The following ITGB7 variants were observed in gnomAD, a reference collection of about 807,000 sequenced individuals.
The protein encoded by ITGB7 is integrin subunit beta 7, also known as integrin beta-7.
A neutral mutation model predicts 83.4 loss-of-function variants in ITGB7; 55 were observed. That is an observed-to-expected ratio of 0.66 (90% CI 0.53 to 0.83). The LOEUF (loss-of-function observed/expected upper bound fraction) is 0.83. ITGB7 is among the 40% of genes least tolerant of loss of function. ITGB7 has a pLI of 0.00. For missense variants in ITGB7, 921 were observed against 1,046.7 expected (o/e 0.88, Z 1.66); for synonymous variants, 454 against 423.6 (o/e 1.07, Z -0.88).
At position 53,191,491 on chromosome 12, in the gene ITGB7, C is replaced by T; in HGVS notation, c.*65G>A. The T allele has an allele frequency of 7.6e-7, 1 of 1,314,014 alleles. No individual in the cohort carries two copies. The highest frequency in any genetic ancestry group is 1.1e-6 in the Non-Finnish European group (1 of 906,698). The allele number at this position is 1,314,014 out of a possible 1,614,324, so 81.4% of individuals were successfully genotyped here. On this transcript the variant is annotated 3_prime_UTR_variant, in exon 16 of 16. Transcript: ENST00000267082. ...CCAAGGTCTTACAGACCCACCCTTC[C>T]TCTCACCCTCCAGTTCCCACTGTCC...
chr12:53,193,947 CACAT>C, intron 10 of ITGB7, 46 bp from the exon 11 acceptor site: 1 of 1,536,674 alleles, frequency 6.5e-7, no homozygotes. Flanking sequence ...CATGCACACA[CACAT>C]ACCCCAAACT....
At chr12:53,197,700 T>C (rs554607113) in intron 4 of ITGB7, 37 bp from the exon 5 acceptor site, 3 of 1,605,184 alleles carry the variant, frequency 1.9e-6, no homozygotes, top group South Asian at 1.1e-5. Context: ...GCAGAGCGCA[T>C]TGGAACGCCA....
At chr12:53,191,751 G>C (rs2120383058) in intron 15 of ITGB7, 108 bp downstream of exon 15, 6 of 1,529,504 alleles carry the variant, frequency 3.9e-6, no homozygotes, top group Non-Finnish European at 5.4e-6. Flanking sequence ...GTTAGCAGAG[G>C]GGTTGGTTAC....
At chr12:53,206,474 TTG>T (rs1352950490) in intron 1 of ITGB7, among the ~76,000 whole-genome samples, 8 of 152,128 alleles carry the variant, frequency 5.3e-5, no homozygotes, top group Non-Finnish European at 1.2e-4. Flanking sequence ...CCATCAAAAG[TTG>T]TGTTCTCTCC....
At chr12:53,205,422 C>T (rs1428534609) in intron 1 of ITGB7, among the ~76,000 whole-genome samples, 4 of 152,130 alleles carry the variant, frequency 2.6e-5, no homozygotes, top group East Asian at 3.9e-4. Context: ...CTCCTGAGCT[C>T]AAGCGACCCA....
intron 8 of ITGB7, 74 bp from the exon 9 acceptor site, chr12:53,195,537 G>A: frequency 2.7e-6 from 4 of 1,508,496 alleles, no homozygotes; most frequent in Non-Finnish European, 3.7e-6. Flanking sequence ...TCTGGAAGGA[G>A]GGCATATGGG....
At chr12:53,202,302 T>G (rs1035615040) in intron 1 of ITGB7, among the ~76,000 whole-genome samples, 5 of 152,066 alleles carry the variant, frequency 3.3e-5, no homozygotes, top group Non-Finnish European at 7.4e-5. Flanking sequence ...GAGGTTGCAG[T>G]GAGCTGCAAT....
rs1458772828 is a variant in ITGB7, at chr12:53,194,250, T to C, written c.1256A>G (p.Glu419Gly). Residue 419 changes from glutamate (E) to glycine (G), a missense_variant, in exon 10 of 16, where the codon GAG becomes GGG. Transcript: ENST00000267082. ...ESQCEGPEKR[E>G]GKAEDRGQCN... Reference sequence around the variant, plus strand: ...CTGTCCTCGATCCTCAGCCTTACCCTCCCTCTTCTCAGGACCCTCACACTG... The same window carrying C: ...CTGTCCTCGATCCTCAGCCTTACCCCCCCTCTTCTCAGGACCCTCACACTG... The C allele has an allele frequency of 6.2e-7, 1 of 1,613,866 alleles. No homozygotes were observed. The highest frequency in any genetic ancestry group is 1.1e-5 in the South Asian group (1 of 91,070).
At chr12:53,195,745 G>T in intron 7 of ITGB7, 24 bp from the exon 8 acceptor site, 1 of 1,580,798 alleles carries the variant, frequency 6.3e-7, no homozygotes, top group Non-Finnish European at 8.7e-7. Flanking sequence ...CAGGGACAAG[G>T]TGAGCCCCAC....
intron 11 of ITGB7, 113 bp downstream of exon 11, chr12:53,193,595 G>A (rs1565700145): frequency 3.1e-6 from 3 of 959,858 alleles, no homozygotes; most frequent in Non-Finnish European, 4.6e-6. Context: ...TGAGTGGGGA[G>A]TCGGGATGTC....
At chr12:53,203,459 G>A (rs1296804843) in intron 1 of ITGB7, among the ~76,000 whole-genome samples, 1 of 151,522 alleles carries the variant, frequency 6.6e-6, no homozygotes, top group Non-Finnish European at 1.5e-5. Flanking sequence ...ACCGGCCTGG[G>A]CAACATGGTG....
intron 4 of ITGB7, 34 bp from the exon 5 acceptor site, chr12:53,197,697 G>T (rs1252956121): frequency 1.2e-6 from 2 of 1,604,790 alleles, no homozygotes; most frequent in Non-Finnish European, 1.7e-6. Context: ...TCAGCAGAGC[G>T]CATTGGAACG....
intron 11 of ITGB7, 92 bp from the exon 12 acceptor site, chr12:53,193,455 A>C: frequency 1.1e-6 from 1 of 951,526 alleles, no homozygotes; most frequent in Non-Finnish European, 1.5e-6. Context: ...CAAGTTCTCA[A>C]AAGAGTTGGA....
chr12:53,192,901 C>T lies in ITGB7; in HGVS notation c.1736G>A (p.Arg579His), dbSNP rs149573967. ...ACAGTGACATACTCCACATTGGCAG[C>T]GACCAAAGCCTGGGGTAGAGCCATG... Reference protein sequence around the residue: ...HEGILCGGFGRCQCGVCHCHA... With the variant: ...HEGILCGGFGHCQCGVCHCHA... Residue 579 changes from arginine to histidine, a missense_variant, in exon 13 of 16, where the codon CGC becomes CAC. Transcript: ENST00000267082. 35 of 1,613,812 alleles carry T rather than the reference C, an allele frequency of 2.2e-5. No homozygotes were observed. The highest frequency in any genetic ancestry group is 9.3e-5 in the African/African-American group (7 of 74,922).
intron 5 of ITGB7, 101 bp from the exon 6 acceptor site, chr12:53,196,921 TG>T: frequency 7.3e-7 from 1 of 1,378,258 alleles, no homozygotes; most frequent in Non-Finnish European, 9.9e-7. Context: ...AGGACGGTGA[TG>T]GGAGAGGGTG....
chr12:53,194,788 G>A (rs1195793004), intron 9 of ITGB7: 1 of 176,170 alleles, frequency 5.7e-6, no homozygotes, highest in East Asian at 1.5e-4. Context: ...CTACAGCCTA[G>A]TTGCAGAGGT....
intron 7 of ITGB7, 148 bp downstream of exon 7, chr12:53,195,893 C>G: frequency 9.7e-7 from 1 of 1,028,160 alleles, no homozygotes; most frequent in East Asian, 2.5e-5. Context: ...TGTCCTGTCT[C>G]GGCAGCTGAA....
intron 2 of ITGB7, 30 bp from the exon 3 acceptor site, chr12:53,200,476 G>A (rs3741435): frequency 0.069 from 109,931 of 1,587,740 alleles, 4,610 homozygotes; most frequent in East Asian, 0.18. Context: ...GGGACATGTG[G>A]GTCCTCAGGG....
intron 1 of ITGB7, among the ~76,000 whole-genome samples, chr12:53,203,495 A>T: frequency 6.6e-6 from 1 of 151,868 alleles, no homozygotes; most frequent in Non-Finnish European, 1.5e-5. Flanking sequence ...TAAAAATACA[A>T]AACTTAACTG....
Sources: gnomAD v4.1 joint callset for allele counts (sites outside exome capture counted in the v4.1 genomes callset) on GRCh38, gnomAD v4.1.1 for gene constraint, MANE v1.5 for transcripts, NCBI Gene and HGNC (gene_info 2026-07-23, HGNC 2026-07-21) for gene names.